Variants in SMG5 observed in about 807,000 individuals in gnomAD.
SMG5 encodes the protein SMG5 nonsense mediated mRNA decay factor.
In SMG5, 53 loss-of-function variants were observed where a neutral mutation model predicts 122.9. That is an observed-to-expected ratio of 0.43 (90% CI 0.35 to 0.54). SMG5 has a LOEUF of 0.54. Ranked by LOEUF, SMG5 falls within the 20% of genes least tolerant of loss-of-function variation. SMG5 has a pLI of 0.01. For missense variants in SMG5, 1,153 were observed against 1,285.6 expected (o/e 0.90, Z 1.58); for synonymous variants, 477 against 490.2 (o/e 0.97, Z 0.35).
upstream of SMG5, chr1:156,285,043 T>G (rs1663109712): frequency 1.8e-6 from 1 of 560,854 alleles, no homozygotes; most frequent in Admixed American, 3.8e-5. Flanking sequence ...AGTGTCTTCC[T>G]CTGTACCACG....
intron 18 of SMG5, 40 bp from the exon 19 acceptor site, chr1:156,252,544 A>C: frequency 9.8e-5 from 156 of 1,589,242 alleles, no homozygotes; most frequent in Middle Eastern, 1.8e-4. Flanking sequence ...AGATAAGCTC[A>C]GACTGCTGTG....
At chr1:156,288,045 T>C in the SMG5 span, among the ~76,000 whole-genome samples, 1 of 151,912 alleles carries the variant, frequency 6.6e-6, no homozygotes, top group Non-Finnish European at 1.5e-5. Flanking sequence ...AAACCCCGTC[T>C]CTATTAAAAA....
chr1:156,265,034 A>AAAACACACAC (rs1179861639), intron 12 of SMG5, among the ~76,000 whole-genome samples: 2 of 46,524 alleles, frequency 4.3e-5, no homozygotes, highest in Non-Finnish European at 8.3e-5. Flanking sequence ...TCAAAAAAAA[A>AAAACACACAC]ATACACACAC....
At chr1:156,260,782 G>A (rs753989737) in intron 14 of SMG5, among the ~76,000 whole-genome samples, 156 bp from the exon 15 acceptor site, 2 of 152,224 alleles carry the variant, frequency 1.3e-5, no homozygotes, top group Non-Finnish European at 2.9e-5. Context: ...GAAGTAAAGA[G>A]AGATGGACAC....
chr1:156,261,262 G>A (rs1367188455), intron 14 of SMG5, 71 bp downstream of exon 14: 12 of 1,443,186 alleles, frequency 8.3e-6, no homozygotes, highest in African/African-American at 1.4e-5. Flanking sequence ...TGGGTTATGG[G>A]GAGGGGAGAT....
chr1:156,258,895 C>A, intron 16 of SMG5, 110 bp downstream of exon 16: 1 of 1,367,268 alleles, frequency 7.3e-7, no homozygotes, highest in Non-Finnish European at 9.9e-7. Context: ...CCCTAGGCAT[C>A]TTACTATGTC....
intron 7 of SMG5, among the ~76,000 whole-genome samples, chr1:156,269,399 T>A (rs763342752): frequency 6.6e-6 from 1 of 152,194 alleles, no homozygotes; most frequent in Non-Finnish European, 1.5e-5. Flanking sequence ...TGAGACACTA[T>A]GCCCAGCCCT....
At chr1:156,259,789 A>T (rs2287027) in intron 15 of SMG5, among the ~76,000 whole-genome samples, 1 of 152,016 alleles carries the variant, frequency 6.6e-6, no homozygotes, top group Admixed American at 6.5e-5. Context: ...CTTGGCCCCC[A>T]ACCAAGTGCT....
At chr1:156,273,718 CTTTTTTTTTTTTT>C (rs748042052) in intron 5 of SMG5, among the ~76,000 whole-genome samples, 4 of 116,344 alleles carry the variant, frequency 3.4e-5, no homozygotes, top group Non-Finnish European at 6.9e-5. Flanking sequence ...GTTTTGTTTT[CTTTTTTTTTTTTT>C]TTTTTTTTAG....
chr1:156,261,288 AATG>A (rs1260537325), intron 14 of SMG5, 42 bp downstream of exon 14: 1 of 1,582,512 alleles, frequency 6.3e-7, no homozygotes, highest in Non-Finnish European at 8.7e-7. Flanking sequence ...TAGTGGGGAC[AATG>A]AGAGAGCAAA....
chr1:156,263,300 T>C, intron 13 of SMG5, 95 bp downstream of exon 13: 1 of 1,378,388 alleles, frequency 7.3e-7, no homozygotes, highest in East Asian at 2.3e-5. Context: ...AATTCTTGCC[T>C]TGGCCATCAG....
chr1:156,261,753 G>A (rs962398431), intron 13 of SMG5, among the ~76,000 whole-genome samples: 2 of 152,034 alleles, frequency 1.3e-5, no homozygotes, highest in Non-Finnish European at 2.9e-5. Context: ...AGCCAGGCAT[G>A]GTGGCAGGTG....
rs1363775211 is a variant in SMG5, at chr1:156,249,734, G to A, written c.*853C>T. ...TCCCTTAGATAGGAAGGGGGGTGGT[G>A]GCCTCAGACTGCACCCCCTTTCTTC... On this transcript the variant is annotated 3_prime_UTR_variant, in exon 22 of 22. Coordinates refer to ENST00000361813, the MANE Select transcript of SMG5 (RefSeq NM_015327.3). 6 of 469,670 alleles carry A rather than the reference G, an allele frequency of 1.3e-5. No individual in the cohort carries two copies. The Admixed American group carries it at 1.4e-4, about 11-fold the overall frequency. 29.1% of individuals were successfully genotyped at this position (469,670 alleles called of 1,614,324 possible).
intron 13 of SMG5, among the ~76,000 whole-genome samples, 175 bp from the exon 14 acceptor site, chr1:156,261,583 A>C (rs1661841486): frequency 6.6e-6 from 1 of 152,164 alleles, no homozygotes; most frequent in Admixed American, 6.5e-5. Context: ...GTCTCTACAA[A>C]AAACACAAAA....
Position 156,252,479 on chromosome 1 carries a change from C to T in SMG5, c.2688G>A (p.Lys896=). 1 of 1,614,100 alleles carries T rather than the reference C, an allele frequency of 6.2e-7. No individual in the cohort carries two copies. The highest frequency in any genetic ancestry group is 8.5e-7 in the Non-Finnish European group (1 of 1,180,020). ...RTVIDGLDLL[K]KEHPGARDGI... is the part of the protein sequence containing the mutation. ...CATCCCGGGCCCCTGGGTGTTCCTT[C>T]TTCAGCAAATCCAGGCCATCGATCA... is the stretch of plus-strand genomic sequence containing the variant. The change falls in exon 19 of 22, where the codon AAG becomes AAA. Residue 896 remains lysine, a synonymous_variant. Transcript: ENST00000361813.
At chr1:156,260,749 C>A (rs1227929193) in intron 14 of SMG5, 123 bp from the exon 15 acceptor site, 4 of 878,230 alleles carry the variant, frequency 4.6e-6, no homozygotes, top group Non-Finnish European at 6.5e-6. Flanking sequence ...TACCCTAGGA[C>A]AGTGCGGAGA....
At chr1:156,252,680 T>C in intron 18 of SMG5, 176 bp from the exon 19 acceptor site, 1 of 756,484 alleles carries the variant, frequency 1.3e-6, no homozygotes, top group Non-Finnish European at 2.1e-6. Flanking sequence ...GCAATATACT[T>C]GGCAATTTAC....
intron 1 of SMG5, among the ~76,000 whole-genome samples, chr1:156,282,201 A>G (rs577248417): frequency 1.2e-3 from 177 of 152,260 alleles, no homozygotes; most frequent in African/African-American, 4.2e-3. Context: ...ACCTAGCTCC[A>G]CGGACTTCAG....
In SMG5 at chr1:156,250,952, G is replaced by C; in HGVS notation, c.2873C>G (p.Ala958Gly). The change falls in exon 21 of 22, where the codon GCC becomes GGC. Residue 958 changes from alanine to glycine, a missense_variant. Around this residue, in one of 5 missense-constraint regions of SMG5, gnomAD observed 84 missense variants for 82.3 expected, o/e 1.02. Coordinates refer to ENST00000361813, the MANE Select transcript of SMG5 (RefSeq NM_015327.3). ...CGGATCCTCCTCACCTGCCCCCTGG[G>C]CCAGAGTCAGCTGTTTGCAGCTGTC... Reference protein sequence around the residue: ...ILDSCKQLTLAQGAGEEDPSG... With the variant: ...ILDSCKQLTLGQGAGEEDPSG... 6.2e-7 allele frequency: 1 copy of C among 1,614,016 alleles called. No individual in the cohort carries two copies. Among genetic ancestry groups the C allele is most frequent in the Non-Finnish European group, 8.5e-7 (1 of 1,179,946 alleles).
Sources: gnomAD v4.1 joint callset for allele counts (sites outside exome capture counted in the v4.1 genomes callset) on GRCh38, gnomAD v4.1.1 for gene constraint, gnomAD v4.1.1 regional missense constraint, MANE v1.5 for transcripts, NCBI Gene and HGNC (gene_info 2026-07-23, HGNC 2026-07-21) for gene names.